Variants in SLK observed in about 807,000 individuals in gnomAD.
The protein encoded by SLK is STE20 like kinase, also known as STE20-like serine/threonine-protein kinase.
SLK carries 67 observed loss-of-function variants against 147.7 expected under a neutral mutation model. The ratio of observed to expected loss-of-function variants is 0.45; its 90% CI spans 0.37 to 0.56. The LOEUF (loss-of-function observed/expected upper bound fraction) is 0.56, where lower values mean the gene tolerates loss of function less well. Among genes scored for constraint, SLK ranks in the 20% least tolerant of loss-of-function variants. SLK has a pLI of 0.00. For synonymous variants in SLK, 441 were observed against 475.0 expected (o/e 0.93, Z 0.93); for missense variants, 1,136 against 1,438.8 (o/e 0.79, Z 3.41).
rs922120776 is a variant in SLK at position 104,010,840 on chromosome 10, C to A, written c.2809C>A (p.Pro937Thr). Residue 937 changes from proline (P) to threonine (T), a missense_variant, in exon 13 of 19, where the codon CCC becomes ACC. Pro to Thr is a conservative substitution (Grantham distance 38, BLOSUM62 -1). Transcript: ENST00000369755. ...KEVINEVEKA[P>T]KELRKELMKR... is the part of the protein sequence containing the mutation. ...GGTTATAAATGAAGTGGAGAAAGCA[C>A]CCAAAGAGCTGAGAAAAGAGCTCAT... 24 of 1,589,870 alleles carry A rather than the reference C, an allele frequency of 1.5e-5. No homozygotes were observed. Among genetic ancestry groups the A allele is most frequent in the Non-Finnish European group, 2.0e-5 (24 of 1,172,776 alleles).
chr10:104,001,321 T>C lies in SLK; in HGVS notation c.865-123T>C. On this transcript the variant is annotated intron_variant, in intron 7 of 18. Coordinates refer to ENST00000369755, the MANE Select transcript of SLK (RefSeq NM_014720.4). ...CTCAGATGTAGCATTATCTGAAGTT[T>C]TCTGTCATTTTCCTGCCCACATGTT... 4 of 751,268 alleles carry C rather than the reference T, an allele frequency of 5.3e-6. No individual in the cohort carries two copies. The South Asian group carries it at 8.4e-5, about 16-fold the overall frequency. 46.5% of individuals were successfully genotyped at this position (751,268 alleles called of 1,614,324 possible). A position where few individuals can be genotyped will look rare whatever the true frequency, so the allele number is the denominator to read the frequency against.
intron 12 of SLK, among the ~76,000 whole-genome samples, chr10:104,009,902 A>G (rs1194139646): frequency 6.6e-6 from 1 of 152,134 alleles, no homozygotes; most frequent in African/African-American, 2.4e-5. Context: ...TTAAATCAAA[A>G]TCAGTCTCTT....
intron 9 of SLK, 79 bp from the exon 10 acceptor site, chr10:104,005,480 GAA>G: frequency 7.7e-7 from 1 of 1,303,782 alleles, no homozygotes; most frequent in Non-Finnish European, 1.1e-6. Context: ...AAAAAAGAAA[GAA>G]ATGTTTAAGG....
intron 1 of SLK, among the ~76,000 whole-genome samples, chr10:103,986,668 GTTTTTT>G (rs759976399): frequency 3.1e-5 from 3 of 97,218 alleles, no homozygotes; most frequent in Admixed American, 1.1e-4. Context: ...TATGTGAAGA[GTTTTTT>G]TTTTTTTTTT....
chr10:103,977,528 T>A (rs1278650901), intron 1 of SLK, among the ~76,000 whole-genome samples: 3 of 152,268 alleles, frequency 2.0e-5, no homozygotes, highest in Middle Eastern at 3.4e-3. Context: ...AGTGGGAGGA[T>A]CCCTTGAACT....
At chr10:104,011,050 C>T (rs1844393404) in intron 13 of SLK, 142 bp downstream of exon 13, 3 of 468,350 alleles carry the variant, frequency 6.4e-6, no homozygotes, top group Non-Finnish European at 1.1e-5. Context: ...CTGGAATCTT[C>T]TTTATTTAAT....
intron 1 of SLK, among the ~76,000 whole-genome samples, chr10:103,986,673 T>TG (rs1048143445): frequency 1.4e-5 from 2 of 138,240 alleles, no homozygotes; most frequent in South Asian, 2.5e-4. Flanking sequence ...GAAGAGTTTT[T>TG]TTTTTTTTTT....
chr10:104,021,416 G>C (rs541536360), intron 17 of SLK, among the ~76,000 whole-genome samples: 146 of 152,314 alleles, frequency 9.6e-4, no homozygotes, highest in Non-Finnish European at 1.7e-3. Context: ...TATATGGTAT[G>C]TAATAGTTCT....
intron 9 of SLK, among the ~76,000 whole-genome samples, chr10:104,005,212 G>GA (rs915202841): frequency 1.1e-4 from 17 of 151,354 alleles, no homozygotes; most frequent in African/African-American, 3.4e-4. Context: ...TTGAAAAGAT[G>GA]AAAAAAAAGG....
In SLK at chr10:104,010,805, A is replaced by G. The variant is rs368777637; in HGVS notation, c.2785-11A>G. 3.9e-6 allele frequency: 6 copies of G among 1,541,452 alleles called. No homozygotes were observed. Among genetic ancestry groups the G allele is most frequent in the Non-Finnish European group, 5.2e-6 (6 of 1,145,318 alleles). On this transcript the variant is annotated splice_polypyrimidine_tract_variant and intron_variant, in intron 12 of 18. Coordinates refer to ENST00000369755, the MANE Select transcript of SLK (RefSeq NM_014720.4). ...TCATTTCCCCACCTCCTGCATGCTT[A>G]TACACTGTAGGTTATAAATGAAGTG... is the stretch of plus-strand genomic sequence containing the variant.
chr10:104,003,085 C>T lies in SLK; in HGVS notation c.1907C>T (p.Thr636Ile). 6.2e-7 allele frequency: 1 copy of T among 1,613,984 alleles called. No individual in the cohort carries two copies. Among genetic ancestry groups the T allele is most frequent in the East Asian group, 2.2e-5 (1 of 44,862 alleles). The change falls in exon 9 of 19, where the codon ACA becomes ATA. Residue 636 changes from threonine (T) to isoleucine (I), a missense_variant. Thr to Ile is a moderately conservative substitution (Grantham distance 89). Transcript: ENST00000369755. ...ATGGACATCAATGAGGAACCAGGAA[C>T]AACTGAAGGTGAAGAAATCACTGAG... ...NIMDINEEPG[T>I]TEGEEITESS...
chr10:103,972,138 G>A (rs1272538450), intron 1 of SLK, among the ~76,000 whole-genome samples: 1 of 152,110 alleles, frequency 6.6e-6, no homozygotes, highest in Non-Finnish European at 1.5e-5. Flanking sequence ...CTTTTTCGTT[G>A]TAGCATTGTA....
At position 104,027,067 on chromosome 10, in the gene SLK, C is replaced by T. The variant is rs1844608015; in HGVS notation, c.*1347C>T. The T allele has an allele frequency of 6.6e-6, 1 of 152,192 alleles. No individual in the cohort carries two copies. Among genetic ancestry groups the T allele is most frequent in the Non-Finnish European group, 1.5e-5 (1 of 68,034 alleles). The allele number at this position is 152,192 out of a possible 1,614,324, so 9.4% of individuals were successfully genotyped here. Reference sequence around the variant, plus strand: ...GCCTGCCATTTTCAACCTATTCTCTCTTAAGAGTGCTAGGTACCAAATTGT... The same window carrying T: ...GCCTGCCATTTTCAACCTATTCTCTTTTAAGAGTGCTAGGTACCAAATTGT... On this transcript the variant is annotated 3_prime_UTR_variant, in exon 19 of 19. Transcript: ENST00000369755.
intron 1 of SLK, among the ~76,000 whole-genome samples, chr10:103,982,341 C>A (rs1317983857): frequency 6.6e-6 from 1 of 152,148 alleles, no homozygotes; most frequent in Non-Finnish European, 1.5e-5. Context: ...ACTGTGTGAT[C>A]TGAGAATTGG....
At chr10:104,011,154 T>TA (rs1236715886) in intron 13 of SLK, among the ~76,000 whole-genome samples, 1 of 152,224 alleles carries the variant, frequency 6.6e-6, no homozygotes, top group Non-Finnish European at 1.5e-5. Flanking sequence ...AACAAGTATA[T>TA]GAATGTATAA....
intron 2 of SLK, among the ~76,000 whole-genome samples, chr10:103,991,656 A>G (rs1291649962): frequency 6.6e-6 from 1 of 152,048 alleles, no homozygotes; most frequent in Non-Finnish European, 1.5e-5. Context: ...CTACCTCCCA[A>G]ATTATTTTCT....
intron 1 of SLK, among the ~76,000 whole-genome samples, chr10:103,972,401 G>A (rs938880045): frequency 1.3e-5 from 2 of 152,120 alleles, no homozygotes; most frequent in South Asian, 2.1e-4. Context: ...TGCCAGGCGC[G>A]GTGGCTCATG....
intron 12 of SLK, among the ~76,000 whole-genome samples, chr10:104,009,828 C>A (rs961402287): frequency 2.6e-5 from 4 of 151,838 alleles, no homozygotes; most frequent in African/African-American, 9.7e-5. Context: ...TGGGGAGTCT[C>A]TTCCTTTTAA....
chr10:104,005,897 A>G lies in SLK; in HGVS notation c.2481-15A>G, dbSNP rs1844318781. On this transcript the variant is annotated splice_polypyrimidine_tract_variant and intron_variant, in intron 10 of 18. Coordinates refer to ENST00000369755, the MANE Select transcript of SLK (RefSeq NM_014720.4). The stretch of plus-strand genomic sequence containing the variant: ...TTTTGCTGTCTTCTCTATCATTACC[A>G]TTAAATTTTATCAGACGTCAGGAAC... 3 of 1,595,260 alleles carry G rather than the reference A, an allele frequency of 1.9e-6. No homozygotes were observed. The highest frequency in any genetic ancestry group is 2.2e-5 in the East Asian group (1 of 44,732).
Sources: gnomAD v4.1 joint callset for allele counts (sites outside exome capture counted in the v4.1 genomes callset) on GRCh38, gnomAD v4.1.1 for gene constraint, MANE v1.5 for transcripts, NCBI Gene and HGNC (gene_info 2026-07-23, HGNC 2026-07-21) for gene names.